Variants in MDGA2 observed in about 807,000 individuals in gnomAD.
MDGA2 encodes MAM domain-containing glycosylphosphatidylinositol anchor protein 2.
MDGA2 carries 40 observed loss-of-function variants against 117.8 expected under a neutral mutation model. That is an observed-to-expected ratio of 0.34 (90% CI 0.26 to 0.44). The LOEUF (loss-of-function observed/expected upper bound fraction) is 0.44, where lower values mean the gene tolerates loss of function less well. MDGA2 is among the 20% of genes least tolerant of loss of function. The probability of loss-of-function intolerance (pLI) is 1.00; values close to 1 mark genes in which losing one functional copy is unlikely to be tolerated. For missense variants in MDGA2, 1,123 were observed against 1,250.6 expected, an observed-to-expected ratio of 0.90 and a Z score of 1.54; for synonymous variants, 452 against 439.0, an observed-to-expected ratio of 1.03 and a Z score of -0.37.
intron 5 of MDGA2, among the ~76,000 whole-genome samples, chr14:47,110,061 T>C (rs2139050620): frequency 6.6e-6 from 1 of 152,278 alleles, no homozygotes; most frequent in African/African-American, 2.4e-5. Context: ...TTATGACAAC[T>C]TGCAAGTTAT....
chr14:47,100,351 T>C (rs1362907099), intron 5 of MDGA2, among the ~76,000 whole-genome samples: 3 of 152,052 alleles, frequency 2.0e-5, no homozygotes, highest in Non-Finnish European at 1.5e-5. Context: ...TCTGCACTTA[T>C]ATGGGTATAT....
At chr14:46,934,309 T>C (rs938964815) in intron 9 of MDGA2, among the ~76,000 whole-genome samples, 14 of 152,048 alleles carry the variant, frequency 9.2e-5, no homozygotes, top group Admixed American at 7.2e-4. Context: ...AATTTACAAC[T>C]AAAAACATGG....
chr14:47,453,880 G>A (rs1893290798), intron 1 of MDGA2, among the ~76,000 whole-genome samples: 1 of 152,188 alleles, frequency 6.6e-6, no homozygotes, highest in South Asian at 2.1e-4. Context: ...CCTATCAGGT[G>A]CAGTGAGTTC....
chr14:47,540,514 A>ATGTGTGTGTG (rs1566505955), intron 1 of MDGA2, among the ~76,000 whole-genome samples: 5 of 98,334 alleles, frequency 5.1e-5, no homozygotes, highest in African/African-American at 1.0e-4. Context: ...GTATATGTAT[A>ATGTGTGTGTG]TGTATATGTG....
chr14:46,903,790 A>G (rs553145344), intron 10 of MDGA2, among the ~76,000 whole-genome samples: 8 of 152,166 alleles, frequency 5.3e-5, no homozygotes, highest in African/African-American at 1.7e-4. Flanking sequence ...GCCTTTGCCC[A>G]TTTACTAAAA....
At chr14:47,261,653 G>A (rs564253248) in intron 2 of MDGA2, among the ~76,000 whole-genome samples, 1 of 152,142 alleles carries the variant, frequency 6.6e-6, no homozygotes, top group African/African-American at 2.4e-5. Flanking sequence ...CTTCAAGAAA[G>A]GTTTTTCCTC....
chr14:47,224,130 T>G (rs1367684894), intron 2 of MDGA2, among the ~76,000 whole-genome samples: 1 of 152,076 alleles, frequency 6.6e-6, no homozygotes, highest in African/African-American at 2.4e-5. Flanking sequence ...CTCTTACAAT[T>G]TAACATTAAA....
intron 3 of MDGA2, among the ~76,000 whole-genome samples, chr14:47,206,601 T>C (rs906499813): frequency 6.6e-6 from 1 of 151,518 alleles, no homozygotes; most frequent in African/African-American, 2.4e-5. Context: ...AATAAGTATA[T>C]AGGTAGGGCT....
intron 1 of MDGA2, among the ~76,000 whole-genome samples, chr14:47,637,600 A>G (rs1897347091): frequency 6.6e-6 from 1 of 152,142 alleles, no homozygotes; most frequent in Non-Finnish European, 1.5e-5. Context: ...TACCACTCCT[A>G]CCTCTTAAAA....
At chr14:47,087,198 C>A (rs549741229) in intron 6 of MDGA2, among the ~76,000 whole-genome samples, 107 of 151,986 alleles carry the variant, frequency 7.0e-4, no homozygotes, top group Non-Finnish European at 1.4e-3. Context: ...GCATGGATCA[C>A]GGAGCATTTT....
At chr14:47,486,371 G>T (rs1044007412) in intron 1 of MDGA2, among the ~76,000 whole-genome samples, 1 of 152,106 alleles carries the variant, frequency 6.6e-6, no homozygotes, top group Admixed American at 6.5e-5. Flanking sequence ...TACCTCCATC[G>T]TATCTAGGAA....
rs189167336 is a variant in MDGA2, at chr14:47,542,775, A to T, written c.280+131742T>A. 6.1e-4 allele frequency among the ~76,000 whole-genome samples: 93 copies of T among 152,382 alleles called. 1 individual carries two copies. The highest frequency in any genetic ancestry group is 9.6e-4 in the East Asian group (5 of 5,190). The stretch of plus-strand genomic sequence containing the variant: ...AACAATTCTAAGGTGCTATTATAAA[A>T]ATGCTACTTTATATACATTTTAGTA... On this transcript the variant is annotated intron_variant, in intron 1 of 16. Coordinates refer to ENST00000399232, the MANE Select transcript of MDGA2 (RefSeq NM_001113498.3).
In MDGA2 at chr14:47,675,183, G is replaced by A. The variant is rs916774755; in HGVS notation, c.-387C>T. On this transcript the variant is annotated 5_prime_UTR_variant, in exon 1 of 17. Transcript: ENST00000399232. ...AAGGTCCCCGGAGGGGCGTCAAGCGGCGACAGCGGCCCGCCCGCCCGCAGT... is the reference window on the plus strand; with the variant it reads ...AAGGTCCCCGGAGGGGCGTCAAGCGACGACAGCGGCCCGCCCGCCCGCAGT... 2.6e-5 allele frequency among the ~76,000 whole-genome samples: 4 copies of A among 152,110 alleles called. No homozygotes were observed. The highest frequency in any genetic ancestry group is 4.4e-5 in the Non-Finnish European group (3 of 67,998).
At chr14:47,520,238 T>C (rs940980422) in intron 1 of MDGA2, among the ~76,000 whole-genome samples, 1 of 152,200 alleles carries the variant, frequency 6.6e-6, no homozygotes, top group Non-Finnish European at 1.5e-5. Context: ...TCTTTAATGA[T>C]GTTTTCCTCT....
At chr14:47,124,883 T>G (rs917552887) in intron 5 of MDGA2, among the ~76,000 whole-genome samples, 1 of 152,118 alleles carries the variant, frequency 6.6e-6, no homozygotes, top group African/African-American at 2.4e-5. Flanking sequence ...TGATGGCACC[T>G]TGTAAACTTT....
chr14:47,049,320 C>T (rs566463244), intron 7 of MDGA2, among the ~76,000 whole-genome samples: 16 of 151,970 alleles, frequency 1.1e-4, no homozygotes, highest in Admixed American at 3.3e-4. Flanking sequence ...GGTTCCAGAC[C>T]ACATCAGATA....
intron 9 of MDGA2, among the ~76,000 whole-genome samples, chr14:46,942,524 C>T (rs1194131142): frequency 1.3e-5 from 2 of 152,074 alleles, no homozygotes; most frequent in Non-Finnish European, 2.9e-5. Context: ...AGATTCCCAT[C>T]TCTGCAGAAA....
At chr14:47,215,119 T>C (rs967933318) in intron 3 of MDGA2, among the ~76,000 whole-genome samples, 8 of 152,058 alleles carry the variant, frequency 5.3e-5, no homozygotes, top group African/African-American at 1.9e-4. Flanking sequence ...TGAAATCAGT[T>C]TAGAAAAAGA....
chr14:47,540,540 G>GTGTGTGTGTGTGTATATATA, intron 1 of MDGA2, among the ~76,000 whole-genome samples: 204 of 79,162 alleles, frequency 2.6e-3, no homozygotes, highest in East Asian at 6.4e-3. Context: ...GTGTGTGTGT[G>GTGTGTGTGTGTGTATATATA]TATATATATA....
Sources: allele counts gnomAD v4.1 joint callset (sites outside exome capture counted in the v4.1 genomes callset), GRCh38; gene constraint gnomAD v4.1.1; transcripts MANE v1.5; gene names NCBI Gene and HGNC (gene_info 2026-07-23, HGNC 2026-07-21).